Variants in ACSM3 observed in about 807,000 individuals in gnomAD.
ACSM3 encodes acyl-CoA synthetase medium chain family member 3.
ACSM3 carries 61 observed loss-of-function variants against 74.1 expected under a neutral mutation model. The observed-to-expected ratio is 0.82, with a 90% CI of 0.67 to 1.02. The LOEUF is 1.02. Among genes scored for constraint, ACSM3 ranks in the 50% least tolerant of loss-of-function variants. ACSM3 has a pLI of 0.00. For synonymous variants in ACSM3, 213 were observed against 241.5 expected, an observed-to-expected ratio of 0.88 and a Z score of 1.09; for missense variants, 660 against 697.0, an observed-to-expected ratio of 0.95 and a Z score of 0.60.
At position 20,790,541 on chromosome 16, in the gene ACSM3, C is replaced by T; in HGVS notation, c.1225-46C>T. On this transcript the variant is annotated intron_variant, in intron 9 of 13. Coordinates refer to ENST00000289416, the MANE Select transcript of ACSM3 (RefSeq NM_005622.4). The surrounding 1 kb of genome is among the most constrained non-coding windows in gnomAD (Gnocchi z 4.0). ...TGCAAAGTTAATATTTAAGCTGCGA[C>T]ATTAAACAAAAATTTCCTTAAATAA... 6.5e-7 allele frequency: 1 copy of T among 1,548,664 alleles called. No individual in the cohort carries two copies. Among genetic ancestry groups the T allele is most frequent in the Non-Finnish European group, 8.9e-7 (1 of 1,128,494 alleles).
intron 3 of ACSM3, among the ~76,000 whole-genome samples, chr16:20,776,262 A>G (rs780011809): frequency 2.6e-5 from 4 of 152,188 alleles, no homozygotes; most frequent in Non-Finnish European, 4.4e-5. Flanking sequence ...GCCTCACAAA[A>G]ATTGTTGTGT....
At chr16:20,711,220 C>A (rs1038369882) in intron 1 of ACSM3, among the ~76,000 whole-genome samples, 2 of 152,070 alleles carry the variant, frequency 1.3e-5, no homozygotes, top group South Asian at 2.1e-4. Context: ...AAAAAAGACA[C>A]AGAGAGATCA....
chr16:20,791,438 G>A (rs543834138), intron 10 of ACSM3, among the ~76,000 whole-genome samples: 3 of 152,294 alleles, frequency 2.0e-5, no homozygotes, highest in Admixed American at 2.0e-4. Context: ...CTGAGCTACT[G>A]CAATATTTAT....
rs368876886 is a variant in ACSM3 at position 20,778,997 on chromosome 16, C to T, written c.638+1417C>T. On this transcript the variant is annotated intron_variant, in intron 4 of 13. Transcript: ENST00000289416. ...CAATCTCCTGACTTCATGATCTGCC[C>T]GTCTCAGCCTCCCAAAGTGCTGGGA... is the stretch of plus-strand genomic sequence containing the variant. Among the ~76,000 whole-genome samples the T allele has an allele frequency of 5.3e-5, 8 of 152,118 alleles. No individual in the cohort carries two copies. The East Asian group carries it at 9.6e-4, about 18-fold the overall frequency.
In ACSM3 at chr16:20,790,518, C is replaced by A. The variant is rs889170383; in HGVS notation, c.1225-69C>A. 8.1e-5 allele frequency: 117 copies of A among 1,443,472 alleles called. 1 individual carries two copies. The South Asian group carries it at 1.4e-3, about 17-fold the overall frequency. The allele number at this position is 1,443,472 out of a possible 1,614,324, so 89.4% of individuals were successfully genotyped here. On this transcript the variant is annotated intron_variant, in intron 9 of 13. Coordinates refer to ENST00000289416, the MANE Select transcript of ACSM3 (RefSeq NM_005622.4). This position sits in a 1 kb window ranked among gnomAD's most constrained non-coding sequence, Gnocchi z 4.0. Reference sequence around the variant, plus strand: ...ATGGCAAAAGCCAAAATAAAACTTGCAAAGTTAATATTTAAGCTGCGACAT... The same window carrying A: ...ATGGCAAAAGCCAAAATAAAACTTGAAAAGTTAATATTTAAGCTGCGACAT...
chr16:20,742,817 T>A (rs867541651), intron 1 of ACSM3, among the ~76,000 whole-genome samples: 484 of 78,356 alleles, frequency 6.2e-3, no homozygotes, highest in African/African-American at 9.4e-3. Context: ...ATATATATTT[T>A]TTTTTTTTCC....
At chr16:20,791,897 C>G in intron 10 of ACSM3, 105 bp from the exon 11 acceptor site, 3 of 1,388,262 alleles carry the variant, frequency 2.2e-6, no homozygotes, top group Non-Finnish European at 2.9e-6. Context: ...TACTGCACTC[C>G]AGCCTGGGTA....
intron 1 of ACSM3, among the ~76,000 whole-genome samples, chr16:20,692,432 T>G (rs1460): frequency 6.6e-6 from 1 of 152,208 alleles, no homozygotes; most frequent in African/African-American, 2.4e-5. Context: ...GTGAGTTTAT[T>G]TGAAGACCTG....
At position 20,781,090 on chromosome 16, in the gene ACSM3, C is replaced by T. The variant is rs1462300734; in HGVS notation, c.899C>T (p.Thr300Ile). ...TGGATCCAGGGAGCATGTGTATTCACACACCATTTACCCCGTTTTGAGCCG... is the reference window on the plus strand; with the variant it reads ...TGGATCCAGGGAGCATGTGTATTCATACACCATTTACCCCGTTTTGAGCCG... ...SPWIQGACVF[T>I]HHLPRFEPTS... Residue 300 changes from threonine to isoleucine, a missense_variant, in exon 6 of 14, where the codon ACA becomes ATA. Physicochemically the swap from Thr to Ile is moderately conservative, Grantham distance 89. Coordinates refer to ENST00000289416, the MANE Select transcript of ACSM3 (RefSeq NM_005622.4). 1.2e-6 allele frequency: 2 copies of T among 1,614,162 alleles called. No homozygotes were observed. Among genetic ancestry groups the T allele is most frequent in the Non-Finnish European group, 1.7e-6 (2 of 1,180,024 alleles).
intron 10 of ACSM3, chr16:20,791,073 A>T: frequency 1.3e-6 from 1 of 755,446 alleles, no homozygotes; most frequent in South Asian, 2.0e-5. Context: ...GGTGGGATTA[A>T]GCAAATGTCT....
chr16:20,790,771 T>G lies in ACSM3; in HGVS notation c.1326+83T>G. On this transcript the variant is annotated intron_variant, in intron 10 of 13. Transcript: ENST00000289416. This position sits in a 1 kb window ranked among gnomAD's most constrained non-coding sequence, Gnocchi z 4.0. ...ATCCCTGTTTGCCACAAAACATACC[T>G]AGGATAGGTACTTGACCCTTTCTTG... The G allele has an allele frequency of 6.2e-7, 1 of 1,613,360 alleles. No individual in the cohort carries two copies. The highest frequency in any genetic ancestry group is 8.5e-7 in the Non-Finnish European group (1 of 1,179,472).
chr16:20,708,566 A>G (rs2079734212), intron 1 of ACSM3, among the ~76,000 whole-genome samples: 1 of 152,208 alleles, frequency 6.6e-6, no homozygotes, highest in African/African-American at 2.4e-5. Flanking sequence ...TAAGGAAAGT[A>G]AAATACCTGC....
intron 1 of ACSM3, among the ~76,000 whole-genome samples, chr16:20,720,116 G>A (rs774963140): frequency 1.6e-4 from 24 of 152,164 alleles, no homozygotes; most frequent in Non-Finnish European, 1.0e-4. Flanking sequence ...CCTTTTTGGC[G>A]CTAGGGACTG....
At chr16:20,755,126 G>T (rs1300877702) in intron 2 of ACSM3, among the ~76,000 whole-genome samples, 1 of 152,166 alleles carries the variant, frequency 6.6e-6, no homozygotes, top group Non-Finnish European at 1.5e-5. Context: ...AAAGAACCTA[G>T]ATGTCTATAT....
intron 4 of ACSM3, chr16:20,779,829 T>A: frequency 5.5e-6 from 1 of 183,258 alleles, no homozygotes; most frequent in South Asian, 7.8e-5. Context: ...TGGAGTACGG[T>A]GGCTCGATCT....
intron 1 of ACSM3, chr16:20,698,980 G>A (rs943997487): frequency 6.6e-6 from 1 of 152,210 alleles, no homozygotes; most frequent in African/African-American, 2.4e-5. Flanking sequence ...GGGATTCTCA[G>A]AGGAACAATT....
chr16:20,790,992 C>T lies in ACSM3; in HGVS notation c.1326+304C>T. ...CCTCTCAATTATCAAACAAAACCCA[C>T]TCATTTTCCTGAAATCCAGTTAGTG... On this transcript the variant is annotated intron_variant, in intron 10 of 13. Coordinates refer to ENST00000289416, the MANE Select transcript of ACSM3 (RefSeq NM_005622.4). This position sits in a 1 kb window ranked among gnomAD's most constrained non-coding sequence, Gnocchi z 4.0. 6.5e-7 allele frequency: 1 copy of T among 1,549,096 alleles called. No individual in the cohort carries two copies. Among genetic ancestry groups the T allele is most frequent in the Non-Finnish European group, 8.8e-7 (1 of 1,133,480 alleles).
At chr16:20,766,995 A>G (rs990424154) in intron 1 of ACSM3, among the ~76,000 whole-genome samples, 3 of 152,156 alleles carry the variant, frequency 2.0e-5, no homozygotes, top group Non-Finnish European at 2.9e-5. Context: ...TGGGAGTGAG[A>G]GCAAAGTGGG....
At chr16:20,718,354 G>A (rs923423267) in intron 1 of ACSM3, 11 of 926,880 alleles carry the variant, frequency 1.2e-5, no homozygotes, top group South Asian at 8.3e-5. Flanking sequence ...TTGCAGATCC[G>A]CCTCTGAAGA....
Sources: gnomAD v4.1 joint callset for allele counts (sites outside exome capture counted in the v4.1 genomes callset) on GRCh38, gnomAD v4.1.1 for gene constraint, Gnocchi (gnomAD v3.1) non-coding constraint, MANE v1.5 for transcripts, NCBI Gene and HGNC (gene_info 2026-07-23, HGNC 2026-07-21) for gene names.